SMYD3: variants seen among roughly 807,000 people sequenced by gnomAD.
SMYD3 encodes the protein histone-lysine N-methyltransferase SMYD3.
SMYD3 carries 36 observed loss-of-function variants against 57.7 expected under a neutral mutation model. That is an observed-to-expected ratio of 0.62 (90% CI 0.48 to 0.82). The LOEUF is 0.82. Ranked by LOEUF, SMYD3 falls within the 40% of genes least tolerant of loss-of-function variation. The pLI, the probability that SMYD3 is intolerant of heterozygous loss-of-function variation, is 0.00. For missense variants in SMYD3, 515 were observed against 538.8 expected (o/e 0.96, Z 0.44); for synonymous variants, 211 against 195.0 (o/e 1.08, Z -0.68).
At chr1:245,922,236 T>C (rs1184008507) in intron 7 of SMYD3, among the ~76,000 whole-genome samples, 1 of 152,222 alleles carries the variant, frequency 6.6e-6, no homozygotes, top group Admixed American at 6.5e-5. Context: ...TGTATTTGTA[T>C]TCAACAGCCT....
chr1:245,905,531 C>T (rs1235835637), intron 8 of SMYD3, among the ~76,000 whole-genome samples: 1 of 152,222 alleles, frequency 6.6e-6, no homozygotes, highest in African/African-American at 2.4e-5. Context: ...AAGATTGAGT[C>T]TTACAGTTTT....
At chr1:246,283,712 C>G (rs1425025249) in intron 5 of SMYD3, among the ~76,000 whole-genome samples, 1 of 152,148 alleles carries the variant, frequency 6.6e-6, no homozygotes, top group African/African-American at 2.4e-5. Flanking sequence ...CATCTAAAGC[C>G]CAAGATCATT....
chr1:246,044,413 G>C (rs2059929003), intron 5 of SMYD3, among the ~76,000 whole-genome samples: 1 of 152,178 alleles, frequency 6.6e-6, no homozygotes, highest in South Asian at 2.1e-4. Context: ...TTTACCTTCA[G>C]AGAAATGTGC....
chr1:246,440,392 T>C, intron 1 of SMYD3, among the ~76,000 whole-genome samples: 1 of 152,112 alleles, frequency 6.6e-6, no homozygotes, highest in South Asian at 2.1e-4. Flanking sequence ...GCAGAAGTTA[T>C]TTCATCCTCA....
At position 245,817,205 on chromosome 1, in the gene SMYD3, C is replaced by A. The variant is rs373510646; in HGVS notation, c.1076+41291G>T. On this transcript the variant is annotated intron_variant, in intron 10 of 11. Transcript: ENST00000490107. ...CAGCACGCAGCTGGAGATCTGAGAACGGGCAGACTGCCTCCTCAAGTGGGT... is the reference window on the plus strand; with the variant it reads ...CAGCACGCAGCTGGAGATCTGAGAAAGGGCAGACTGCCTCCTCAAGTGGGT... Among the ~76,000 whole-genome samples the A allele has an allele frequency of 1.9e-3, 274 of 146,840 alleles. 2 individuals carry two copies. Among genetic ancestry groups the A allele is most frequent in the Middle Eastern group, 7.0e-3 (2 of 284 alleles).
At chr1:245,929,461 G>A (rs2056587133) in intron 6 of SMYD3, among the ~76,000 whole-genome samples, 1 of 152,166 alleles carries the variant, frequency 6.6e-6, no homozygotes, top group African/African-American at 2.4e-5. Flanking sequence ...TGAGTGAAAG[G>A]GCTCAGAGTG....
chr1:246,124,498 A>G (rs1213353561), intron 5 of SMYD3, among the ~76,000 whole-genome samples: 2 of 152,220 alleles, frequency 1.3e-5, no homozygotes, highest in African/African-American at 4.8e-5. Context: ...AAAGAAGGCG[A>G]GGTTTGAATA....
intron 5 of SMYD3, among the ~76,000 whole-genome samples, chr1:246,054,760 T>C (rs1262559389): frequency 6.7e-6 from 1 of 150,300 alleles, no homozygotes; most frequent in Non-Finnish European, 1.5e-5. Flanking sequence ...AAAGAAGATA[T>C]ATAGATGGCC....
In SMYD3 at chr1:246,147,503, G is replaced by A. The variant is rs543164028; in HGVS notation, c.531+179698C>T. Among the ~76,000 whole-genome samples, 3 of 152,298 alleles carry A rather than the reference G, an allele frequency of 2.0e-5. No individual in the cohort carries two copies. In the East Asian group the frequency reaches 5.8e-4, roughly 30 times the overall value. On this transcript the variant is annotated intron_variant, in intron 5 of 11. Coordinates refer to ENST00000490107, the MANE Select transcript of SMYD3 (RefSeq NM_001167740.2). Reference sequence around the variant, plus strand: ...TGCAACAGGGAGGCCGGCTAGGGCTGCACACTCCATGGAGGCGGTGGGAGC... The same window carrying A: ...TGCAACAGGGAGGCCGGCTAGGGCTACACACTCCATGGAGGCGGTGGGAGC...
chr1:246,497,814 T>C (rs1290273361), intron 1 of SMYD3, among the ~76,000 whole-genome samples: 1 of 151,406 alleles, frequency 6.6e-6, no homozygotes, highest in Non-Finnish European at 1.5e-5. Flanking sequence ...TGCAGTGACC[T>C]ATGATCAAAC....
At position 246,165,223 on chromosome 1, in the gene SMYD3, C is replaced by T. The variant is rs112257969; in HGVS notation, c.531+161978G>A. Reference sequence around the variant, plus strand: ...TAAGGACCTGAACGCCAGACTACAGCGGAGGTGACAAGAAGTAAGAAAGTG... The same window carrying T: ...TAAGGACCTGAACGCCAGACTACAGTGGAGGTGACAAGAAGTAAGAAAGTG... On this transcript the variant is annotated intron_variant, in intron 5 of 11. Transcript: ENST00000490107. Among the ~76,000 whole-genome samples the T allele has an allele frequency of 1.6e-3, 246 of 152,134 alleles. 1 individual carries two copies. The highest frequency in any genetic ancestry group is 5.5e-3 in the African/African-American group (228 of 41,506).
intron 1 of SMYD3, chr1:246,483,874 T>C (rs985571438): frequency 1.4e-4 from 21 of 152,324 alleles, no homozygotes; most frequent in African/African-American, 5.1e-4. Flanking sequence ...TTTTAATAAA[T>C]CTACCATTGC....
At chr1:246,009,537 A>G (rs2059240259) in intron 5 of SMYD3, among the ~76,000 whole-genome samples, 1 of 152,184 alleles carries the variant, frequency 6.6e-6, no homozygotes, top group African/African-American at 2.4e-5. Flanking sequence ...CACGTACATA[A>G]AAGGGTAACA....
chr1:246,261,548 A>G (rs2064012886), intron 5 of SMYD3, among the ~76,000 whole-genome samples: 1 of 152,154 alleles, frequency 6.6e-6, no homozygotes, highest in Admixed American at 6.5e-5. Flanking sequence ...TTAAACAATC[A>G]CACATAAAAT....
At chr1:246,172,265 A>G (rs1045972933) in intron 5 of SMYD3, among the ~76,000 whole-genome samples, 23 of 151,344 alleles carry the variant, frequency 1.5e-4, no homozygotes, top group Non-Finnish European at 3.4e-4. Flanking sequence ...ACAGGCCTAG[A>G]ACACTCACTG....
chr1:246,344,465 G>C (rs561832424), intron 2 of SMYD3, among the ~76,000 whole-genome samples: 1 of 152,154 alleles, frequency 6.6e-6, no homozygotes. Context: ...TAATAGTACA[G>C]TATGCATCTC....
At chr1:245,835,608 G>A (rs2148400130) in intron 10 of SMYD3, among the ~76,000 whole-genome samples, 1 of 152,174 alleles carries the variant, frequency 6.6e-6, no homozygotes, top group South Asian at 2.1e-4. Context: ...TTTACACTAG[G>A]GACTGTCTCA....
rs757450128 is a variant in SMYD3 at position 245,915,580 on chromosome 1, C to T, written c.763G>A (p.Asp255Asn). The T allele has an allele frequency of 1.4e-5, 23 of 1,613,868 alleles. No individual in the cohort carries two copies. The highest frequency in any genetic ancestry group is 3.4e-6 in the Non-Finnish European group (4 of 1,179,978). The change falls in exon 8 of 12, where the codon GAC becomes AAC. Residue 255 changes from aspartate to asparagine, a missense_variant. Physicochemically the swap from Asp to Asn is conservative, Grantham distance 23 (BLOSUM62 1). Coordinates refer to ENST00000490107, the MANE Select transcript of SMYD3 (RefSeq NM_001167740.2). ...CAGTCACATTCAAAGCAGTACTGGT[C>T]CCTCAGCTGCTTCCGGCGCTCCTCA... ...TSEERRKQLRDQYCFECDCFR... is the reference protein window; with the variant it reads ...TSEERRKQLRNQYCFECDCFR...
chr1:245,814,385 TAA>T (rs1313163324), intron 10 of SMYD3: 4 of 984,380 alleles, frequency 4.1e-6, no homozygotes, highest in Admixed American at 6.2e-5. Context: ...CTCAGTTTTT[TAA>T]AAGAAGATTC....
Sources: gnomAD v4.1 joint callset for allele counts (sites outside exome capture counted in the v4.1 genomes callset) on GRCh38, gnomAD v4.1.1 for gene constraint, MANE v1.5 for transcripts, NCBI Gene and HGNC (gene_info 2026-07-23, HGNC 2026-07-21) for gene names.